Variants in PHTF2 observed in about 807,000 individuals in gnomAD.
PHTF2 encodes protein PHTF2.
Under a neutral mutation model 101.2 loss-of-function variants are expected in PHTF2, and 60 were observed. That is an observed-to-expected ratio of 0.59 (90% CI 0.48 to 0.73). The LOEUF (loss-of-function observed/expected upper bound fraction) is 0.73. Ranked by LOEUF, PHTF2 falls within the 30% of genes least tolerant of loss-of-function variation. The pLI is 0.00. For synonymous variants in PHTF2, 311 were observed against 307.3 expected (o/e 1.01, Z -0.13); for missense variants, 747 against 908.7 (o/e 0.82, Z 2.29).
At chr7:77,812,429 C>T (rs1793511615) in intron 1 of PHTF2, among the ~76,000 whole-genome samples, 1 of 152,112 alleles carries the variant, frequency 6.6e-6, no homozygotes, top group African/African-American at 2.4e-5. Flanking sequence ...CTTATTTTTA[C>T]ATAATTTGTG....
At chr7:77,807,140 G>T (rs1235803047) in intron 1 of PHTF2, among the ~76,000 whole-genome samples, 2 of 152,144 alleles carry the variant, frequency 1.3e-5, no homozygotes, top group Non-Finnish European at 2.9e-5. Flanking sequence ...TCCATTGATG[G>T]ACATTTGGGC....
intron 12 of PHTF2, among the ~76,000 whole-genome samples, chr7:77,933,248 T>A (rs1015542549): frequency 5.9e-5 from 9 of 151,884 alleles, no homozygotes; most frequent in Admixed American, 2.0e-4. Context: ...AAAAAAATAA[T>A]AATAATAAAA....
chr7:77,835,552 C>T (rs1446255969), intron 1 of PHTF2, among the ~76,000 whole-genome samples: 1 of 152,026 alleles, frequency 6.6e-6, no homozygotes, highest in Non-Finnish European at 1.5e-5. Context: ...AAAAATCTGA[C>T]AATGTGGGAG....
At chr7:77,884,357 G>A (rs1302572259) in intron 3 of PHTF2, among the ~76,000 whole-genome samples, 2 of 152,042 alleles carry the variant, frequency 1.3e-5, no homozygotes, top group African/African-American at 2.4e-5. Context: ...TACCCAGTAT[G>A]TAGTTTTTTA....
chr7:77,840,669 T>G (rs1795797357), intron 2 of PHTF2, among the ~76,000 whole-genome samples: 1 of 152,060 alleles, frequency 6.6e-6, no homozygotes, highest in Non-Finnish European at 1.5e-5. Context: ...AAGTTACAAT[T>G]CAATAGCTGA....
chr7:77,885,662 C>T (rs538920294), intron 3 of PHTF2, among the ~76,000 whole-genome samples: 1 of 152,184 alleles, frequency 6.6e-6, no homozygotes, highest in African/African-American at 2.4e-5. Flanking sequence ...CCAGGCTAGT[C>T]TGGAGCTCCT....
chr7:77,897,812 C>T (rs959953619), intron 5 of PHTF2, among the ~76,000 whole-genome samples: 1 of 152,116 alleles, frequency 6.6e-6, no homozygotes, highest in Non-Finnish European at 1.5e-5. Context: ...TCCCAAGTAG[C>T]TGGTATTACA....
At chr7:77,832,922 G>T (rs1049446819) in intron 1 of PHTF2, among the ~76,000 whole-genome samples, 5 of 152,090 alleles carry the variant, frequency 3.3e-5, no homozygotes, top group Non-Finnish European at 7.4e-5. Context: ...CACAAAACCA[G>T]TCCCTGGTGC....
chr7:77,900,661 C>A, intron 5 of PHTF2, 50 bp from the exon 5 acceptor site: 1 of 905,760 alleles, frequency 1.1e-6, no homozygotes, highest in South Asian at 1.3e-5. Context: ...TTCTCCTGTT[C>A]TAGATTTAAG....
chr7:77,876,780 C>T (rs1798976159), intron 3 of PHTF2, among the ~76,000 whole-genome samples: 1 of 152,158 alleles, frequency 6.6e-6, no homozygotes, highest in Non-Finnish European at 1.5e-5. Flanking sequence ...GTGGTACACA[C>T]CTGCAGTTGC....
At chr7:77,854,339 G>A (rs192305210) in intron 2 of PHTF2, among the ~76,000 whole-genome samples, 70 of 152,248 alleles carry the variant, frequency 4.6e-4, no homozygotes, top group Middle Eastern at 3.4e-3. Flanking sequence ...TGGAGCTGGG[G>A]GAAGGGTGAT....
chr7:77,951,829 C>A, intron 18 of PHTF2, 117 bp downstream of exon 17: 1 of 571,634 alleles, frequency 1.7e-6, no homozygotes, highest in Non-Finnish European at 3.1e-6. Flanking sequence ...AAGTTGTTTC[C>A]AAATTATACT....
At chr7:77,920,398 A>G in exon 10 of PHTF2, 2 of 1,613,476 alleles carry the variant, frequency 1.2e-6, no homozygotes, top group Non-Finnish European at 8.5e-7. Context: ...CATGAACCTC[A>G]GTGTGAAACT....
intron 3 of PHTF2, among the ~76,000 whole-genome samples, chr7:77,861,814 T>G (rs556650009): frequency 6.6e-6 from 1 of 152,280 alleles, no homozygotes; most frequent in Admixed American, 6.5e-5. Context: ...TCCCAGCACT[T>G]TGGGAGGCCA....
chr7:77,826,543 C>T lies in PHTF2; in HGVS notation c.-35-13678C>T, dbSNP rs990628589. Among the ~76,000 whole-genome samples, 12 of 151,778 alleles carry T rather than the reference C, an allele frequency of 7.9e-5. No homozygotes were observed. In the East Asian group the frequency reaches 1.2e-3, roughly 15 times the overall value. ...TGTCCATGGTGGCTGCTGGAGCTGT[C>T]GTCATTAAAATAACATTGAAAGGAT... On this transcript the variant is annotated intron_variant, in intron 1 of 19. Coordinates refer to ENST00000416283, the Ensembl canonical transcript of PHTF2.
At chr7:77,872,685 C>G (rs1798615306) in intron 3 of PHTF2, among the ~76,000 whole-genome samples, 1 of 152,172 alleles carries the variant, frequency 6.6e-6, no homozygotes, top group South Asian at 2.1e-4. Context: ...CAGGGCTCTT[C>G]AGAGATGCAG....
chr7:77,952,942 C>T (rs1220764664), intron 18 of PHTF2, among the ~76,000 whole-genome samples: 2 of 152,134 alleles, frequency 1.3e-5, no homozygotes, highest in African/African-American at 4.8e-5. Context: ...CCTTGTCTCT[C>T]ACTTATGCTT....
chr7:77,892,625 G>A (rs1584619530), intron 3 of PHTF2, among the ~76,000 whole-genome samples: 3 of 152,264 alleles, frequency 2.0e-5, no homozygotes, highest in South Asian at 4.2e-4. Flanking sequence ...CCTAGTCACA[G>A]TTATATGGTG....
In PHTF2 at chr7:77,951,631, GA is replaced by G; in HGVS notation, c.2134del (p.Met712TrpfsTer11). The G allele has an allele frequency of 5.7e-6, 8 of 1,405,760 alleles. No homozygotes were observed. Among genetic ancestry groups the G allele is most frequent in the Non-Finnish European group, 7.8e-6 (8 of 1,029,374 alleles). The allele number at this position is 1,405,760 out of a possible 1,614,324, so 87.1% of individuals were successfully genotyped here. On this transcript the variant is annotated frameshift_variant, in exon 18 of 20. Coordinates refer to ENST00000416283, the Ensembl canonical transcript of PHTF2. LOFTEE classifies it high-confidence loss of function. ...TTTTATAAAAGATAAACCTCTACTT[GA>G]AAATGGAGAAAAAACCTAACAAAAA...
Sources: gnomAD v4.1 joint callset for allele counts (sites outside exome capture counted in the v4.1 genomes callset) on GRCh38, gnomAD v4.1.1 for gene constraint, MANE v1.5 for transcripts, NCBI Gene and HGNC (gene_info 2026-07-23, HGNC 2026-07-21) for gene names.